EGFR: variants seen among roughly 807,000 people sequenced by gnomAD.
EGFR encodes avian erythroblastic leukemia viral (v-erb-b) oncogene homolog.
Under a neutral mutation model 143.0 loss-of-function variants are expected in EGFR, and 58 were observed. The ratio of observed to expected loss-of-function variants is 0.41; its 90% confidence interval spans 0.33 to 0.50. The LOEUF is 0.50. Ranked by LOEUF, EGFR falls within the 20% of genes least tolerant of loss-of-function variation. The pLI is 0.39. For missense variants in EGFR, 1,307 were observed against 1,579.0 expected (o/e 0.83, Z 2.92); for synonymous variants, 613 against 594.4 (o/e 1.03, Z -0.45).
intron 1 of EGFR, among the ~76,000 whole-genome samples, chr7:55,084,058 C>A (rs1414782595): frequency 6.6e-6 from 1 of 152,170 alleles, no homozygotes; most frequent in African/African-American, 2.4e-5. Context: ...TTAACAAATG[C>A]CCCTATGAAA....
intron 4 of EGFR, among the ~76,000 whole-genome samples, chr7:55,150,030 G>A (rs544019635): frequency 3.3e-5 from 5 of 152,224 alleles, no homozygotes; most frequent in Admixed American, 6.5e-5. Flanking sequence ...TATTTTATAC[G>A]ATGTGCCTGC....
chr7:55,179,757 G>A (rs191819965), intron 19 of EGFR: 11 of 152,288 alleles, frequency 7.2e-5, no homozygotes, highest in South Asian at 4.1e-4. Flanking sequence ...AAATTGCATC[G>A]GTACTGAACA....
At chr7:55,064,365 A>T (rs1789375468) in intron 1 of EGFR, among the ~76,000 whole-genome samples, 2 of 152,246 alleles carry the variant, frequency 1.3e-5, no homozygotes, top group African/African-American at 4.8e-5. Context: ...AATTTCACTT[A>T]TCCAGAATTG....
chr7:55,071,180 G>A (rs1191593418), intron 1 of EGFR, among the ~76,000 whole-genome samples: 1 of 152,198 alleles, frequency 6.6e-6, no homozygotes, highest in Non-Finnish European at 1.5e-5. Flanking sequence ...TGGAGGGTTG[G>A]TGTTACTGTT....
rs775454626 is a variant in EGFR at position 55,155,947 on chromosome 7, G to T, written c.1006+1G>T. 1 of 1,610,760 alleles carries T rather than the reference G, an allele frequency of 6.2e-7. No homozygotes were observed. Among genetic ancestry groups the T allele is most frequent in the Non-Finnish European group, 8.5e-7 (1 of 1,178,076 alleles). ...AAGTGCGAAGGGCCTTGCCGCAAAG[G>T]TAGGAAGCCCGCCGGTGTGCGGACG... On this transcript the variant is annotated splice_donor_variant, in intron 8 of 27. Transcript: ENST00000275493. LOFTEE classifies it high-confidence loss of function.
Position 55,161,609 on chromosome 7 carries a change from G to A in EGFR, c.1609G>A (p.Asp537Asn), listed in dbSNP as rs1038997598. 2 of 1,614,122 alleles carry A rather than the reference G, an allele frequency of 1.2e-6. No individual in the cohort carries two copies. The highest frequency in any genetic ancestry group is 2.2e-5 in the East Asian group (1 of 44,902). Residue 537 changes from aspartate to asparagine, a missense_variant, in exon 13 of 28, where the codon GAC becomes AAC. By Grantham distance (23) the Asp-to-Asn change is conservative (BLOSUM62 1). Coordinates refer to ENST00000275493, the MANE Select transcript of EGFR (RefSeq NM_005228.5). ...RNVSRGRECVDKCNLLEGEPR... is the reference protein window; with the variant it reads ...RNVSRGRECVNKCNLLEGEPR... ...TGTCAGCCGAGGCAGGGAATGCGTG[G>A]ACAAGTGCAACCTTCTGGAGGGGTA...
At position 55,075,007 on chromosome 7, in the gene EGFR, A is replaced by T. The variant is rs540572567; in HGVS notation, c.88+55642A>T. ...AAGAGCAACTAAAATAACTCACAAT[A>T]CCAGTAAAATCACTTTGTCATCTTC... On this transcript the variant is annotated intron_variant, in intron 1 of 27. Coordinates refer to ENST00000275493, the MANE Select transcript of EGFR (RefSeq NM_005228.5). Among the ~76,000 whole-genome samples, 6 of 152,318 alleles carry T rather than the reference A, an allele frequency of 3.9e-5. No individual in the cohort carries two copies. In the South Asian group the frequency reaches 1.2e-3, roughly 32 times the overall value.
intron 1 of EGFR, among the ~76,000 whole-genome samples, chr7:55,092,320 G>T (rs2128895490): frequency 6.6e-6 from 1 of 152,328 alleles, no homozygotes; most frequent in Non-Finnish European, 1.5e-5. Flanking sequence ...GGATGAGACT[G>T]GGTGGCTCCC....
chr7:55,161,195 G>A (rs376171512), intron 12 of EGFR, among the ~76,000 whole-genome samples: 2 of 152,248 alleles, frequency 1.3e-5, no homozygotes, highest in African/African-American at 4.8e-5. Context: ...CATTGCCAAA[G>A]GGGAGGACTC....
chr7:55,082,095 T>C (rs544008812), intron 1 of EGFR, among the ~76,000 whole-genome samples: 1 of 152,354 alleles, frequency 6.6e-6, no homozygotes, highest in Non-Finnish European at 1.5e-5. Context: ...AATCCCAATC[T>C]AGGGCCTTCC....
chr7:55,173,899 T>C, intron 17 of EGFR, 22 bp from the exon 18 acceptor site: 2 of 1,614,218 alleles, frequency 1.2e-6, no homozygotes, highest in East Asian at 2.2e-5. Context: ...GACCCTTGTC[T>C]CTGTGTTCTT....
chr7:55,203,516 A>T (rs901326858), intron 27 of EGFR, among the ~76,000 whole-genome samples: 1 of 148,658 alleles, frequency 6.7e-6, no homozygotes, highest in African/African-American at 2.5e-5. Context: ...TACACACACC[A>T]TTACATACAC....
rs17336437 is a variant in EGFR, at chr7:55,146,712, G to A, written c.531G>A (p.Ser177=). The A allele has an allele frequency of 3.7e-3, 6,007 of 1,614,128 alleles. 178 individuals carry two copies. In the African/African-American group the frequency reaches 0.07, roughly 19 times the overall value. The change falls in exon 4 of 28, where the codon TCG becomes TCA. Residue 177 remains serine, a synonymous_variant. Coordinates refer to ENST00000275493, the MANE Select transcript of EGFR (RefSeq NM_005228.5). ...IVSSDFLSNM[S]MDFQNHLGSC... The stretch of plus-strand genomic sequence containing the variant: ...GCAGTGACTTTCTCAGCAACATGTC[G>A]ATGGACTTCCAGAACCACCTGGGCA...
At position 55,197,696 on chromosome 7, in the gene EGFR, T is replaced by C. The variant is rs1033588712; in HGVS notation, c.2702-1021T>C. 3.9e-5 allele frequency among the ~76,000 whole-genome samples: 6 copies of C among 152,362 alleles called. No individual in the cohort carries two copies. In the East Asian group the frequency reaches 5.8e-4, roughly 15 times the overall value. On this transcript the variant is annotated intron_variant, in intron 22 of 27. Transcript: ENST00000275493. ...GTTTGTTCTTTAAATACCTAGTTTATTGAGAATTTTAAACATGTTGAATTT... is the reference window on the plus strand; with the variant it reads ...GTTTGTTCTTTAAATACCTAGTTTACTGAGAATTTTAAACATGTTGAATTT...
intron 1 of EGFR, among the ~76,000 whole-genome samples, chr7:55,079,838 G>C (rs966934931): frequency 6.6e-6 from 1 of 152,180 alleles, no homozygotes; most frequent in African/African-American, 2.4e-5. Flanking sequence ...CTGAACACAC[G>C]TAGGCTCTTG....
chr7:55,158,604 A>T (rs1267032064), intron 11 of EGFR, among the ~76,000 whole-genome samples: 1 of 152,226 alleles, frequency 6.6e-6, no homozygotes. Flanking sequence ...GATTTAGAGC[A>T]ATTTTCTTGG....
At chr7:55,176,447 T>G (rs1346772774) in intron 19 of EGFR, among the ~76,000 whole-genome samples, 1 of 152,188 alleles carries the variant, frequency 6.6e-6, no homozygotes, top group African/African-American at 2.4e-5. Flanking sequence ...GGGCCTGGCA[T>G]GGTGGCTTTC....
Position 55,207,768 on chromosome 7 carries a change from T to A in EGFR, c.*2151T>A, listed in dbSNP as rs1353872783. The A allele has an allele frequency of 1.3e-5, 2 of 152,316 alleles. No homozygotes were observed. Among genetic ancestry groups the A allele is most frequent in the East Asian group, 3.8e-4 (2 of 5,214 alleles). 9.4% of individuals were successfully genotyped at this position (152,316 alleles called of 1,614,324 possible). On this transcript the variant is annotated 3_prime_UTR_variant, in exon 28 of 28. Transcript: ENST00000275493. ...AGCTTGGAGCATCCCACAAGTTCCC[T>A]AAAAGTTGCAGCCCCCAGGGGGATT...
At chr7:55,079,809 C>A (rs1334826860) in intron 1 of EGFR, among the ~76,000 whole-genome samples, 1 of 152,016 alleles carries the variant, frequency 6.6e-6, no homozygotes, top group African/African-American at 2.4e-5. Flanking sequence ...TCCCGCCACT[C>A]CAGGTGTCTG....
Sources: gnomAD v4.1 joint callset for allele counts (sites outside exome capture counted in the v4.1 genomes callset) on GRCh38, gnomAD v4.1.1 for gene constraint, MANE v1.5 for transcripts, NCBI Gene and HGNC (gene_info 2026-07-23, HGNC 2026-07-21) for gene names.